Variants in PLPPR5 observed in about 807,000 individuals in gnomAD.
PLPPR5 encodes the protein phospholipid phosphatase-related protein type 5.
A neutral mutation model predicts 33.9 loss-of-function variants in PLPPR5; 16 were observed. The observed-to-expected ratio is 0.47, with a 90% CI of 0.32 to 0.72. PLPPR5 has a LOEUF of 0.72. Among genes scored for constraint, PLPPR5 ranks in the 30% least tolerant of loss-of-function variants. PLPPR5 has a pLI of 0.03. For synonymous variants in PLPPR5, 163 were observed against 150.3 expected, an observed-to-expected ratio of 1.08 and a Z score of -0.62; for missense variants, 301 against 406.7, an observed-to-expected ratio of 0.74 and a Z score of 2.23.
chr1:98,924,589 C>T (rs192861776), intron 3 of PLPPR5, among the ~76,000 whole-genome samples: 50 of 152,254 alleles, frequency 3.3e-4, no homozygotes, highest in Admixed American at 5.9e-4. Flanking sequence ...AGAATCTATA[C>T]GGCTTCAGAA....
At chr1:98,916,727 C>A (rs1055994094) in intron 4 of PLPPR5, among the ~76,000 whole-genome samples, 2 of 152,136 alleles carry the variant, frequency 1.3e-5, no homozygotes, top group South Asian at 2.1e-4. Flanking sequence ...TTTTGGCCAA[C>A]AATAACAACG....
intron 3 of PLPPR5, among the ~76,000 whole-genome samples, chr1:98,947,936 C>T (rs567196753): frequency 5.9e-5 from 9 of 152,326 alleles, no homozygotes; most frequent in South Asian, 2.1e-4. Flanking sequence ...GGACCTTATA[C>T]GTTTCAGCAT....
At chr1:98,896,298 G>A (rs1188503807) in intron 5 of PLPPR5, among the ~76,000 whole-genome samples, 1 of 152,060 alleles carries the variant, frequency 6.6e-6, no homozygotes, top group East Asian at 1.9e-4. Context: ...TCAGATTGCT[G>A]TCTTGAGAAA....
chr1:98,995,951 A>C (rs778489661), intron 1 of PLPPR5, among the ~76,000 whole-genome samples: 2 of 152,084 alleles, frequency 1.3e-5, no homozygotes, highest in Non-Finnish European at 2.9e-5. Context: ...GAATCAGATA[A>C]CACCACATGA....
chr1:98,947,656 T>C (rs953087758), intron 3 of PLPPR5, among the ~76,000 whole-genome samples: 1 of 151,890 alleles, frequency 6.6e-6, no homozygotes, highest in Non-Finnish European at 1.5e-5. Flanking sequence ...GGAGACAGGG[T>C]TAATAATGAA....
chr1:98,987,000 G>A lies in PLPPR5; in HGVS notation c.237+17435C>T, dbSNP rs1225601479. Among the ~76,000 whole-genome samples the A allele has an allele frequency of 2.0e-5, 3 of 151,652 alleles. No individual in the cohort carries two copies. The South Asian group carries it at 6.2e-4, about 31-fold the overall frequency. On this transcript the variant is annotated intron_variant, in intron 1 of 5. Transcript: ENST00000263177. ...TTCTTCTCCATACTGAAAGAGCTAA[G>A]GTTTTCCGACATCTATATAACTTCC...
At chr1:98,999,729 G>A (rs543590918) in intron 1 of PLPPR5, among the ~76,000 whole-genome samples, 1 of 152,326 alleles carries the variant, frequency 6.6e-6, no homozygotes, top group African/African-American at 2.4e-5. Context: ...CTAGGTATGA[G>A]ATGACTTTCT....
At chr1:98,904,427 C>T (rs1648820753) in intron 5 of PLPPR5, among the ~76,000 whole-genome samples, 2 of 151,870 alleles carry the variant, frequency 1.3e-5, no homozygotes, top group Non-Finnish European at 2.9e-5. Flanking sequence ...GCTGTACCTG[C>T]CTTAATAAAA....
chr1:98,893,080 C>G lies in PLPPR5; in HGVS notation c.958G>C (p.Val320Leu), dbSNP rs781109402. The G allele has an allele frequency of 6.2e-7, 1 of 1,611,164 alleles. No homozygotes were observed. Among genetic ancestry groups the G allele is most frequent in the South Asian group, 1.1e-5 (1 of 90,862 alleles). The change falls in exon 6 of 6, where the codon GTC (valine) becomes CTC (leucine). Residue 320 changes from valine to leucine, a missense_variant. By Grantham distance (32) the Val-to-Leu change is conservative (BLOSUM62 1). Transcript: ENST00000263177. ...VQNHITAFAE[V>L]T ...AACCATCTGCTTCGATATCATGTGA[C>G]TTCTGCGAAGGCAGTGATGTGGTTC...
chr1:98,999,664 TG>T (rs1652754727), intron 1 of PLPPR5, among the ~76,000 whole-genome samples: 1 of 152,066 alleles, frequency 6.6e-6, no homozygotes, highest in Admixed American at 6.6e-5. Context: ...AGGCAGGGTT[TG>T]GGGGAAAAGA....
intron 1 of PLPPR5, among the ~76,000 whole-genome samples, chr1:99,002,131 G>A (rs796952988): frequency 6.6e-6 from 1 of 151,990 alleles, no homozygotes; most frequent in Non-Finnish European, 1.5e-5. Context: ...TGCCCTTACT[G>A]CTCCCAGCTC....
intron 1 of PLPPR5, among the ~76,000 whole-genome samples, chr1:98,975,983 A>C (rs866844462): frequency 6.6e-6 from 1 of 151,546 alleles, no homozygotes; most frequent in Non-Finnish European, 1.5e-5. Flanking sequence ...TAATGAATAC[A>C]TATGTTAAAT....
At chr1:98,976,271 G>A (rs1157358416) in intron 1 of PLPPR5, among the ~76,000 whole-genome samples, 1 of 151,862 alleles carries the variant, frequency 6.6e-6, no homozygotes, top group Non-Finnish European at 1.5e-5. Context: ...TCTGTAATAT[G>A]TCTTGATTCA....
At chr1:98,904,686 A>G (rs1648831586) in intron 5 of PLPPR5, among the ~76,000 whole-genome samples, 1 of 152,112 alleles carries the variant, frequency 6.6e-6, no homozygotes, top group South Asian at 2.1e-4. Flanking sequence ...GGAGAGAGAG[A>G]AGGACGACAG....
intron 3 of PLPPR5, among the ~76,000 whole-genome samples, chr1:98,946,178 C>T (rs182538831): frequency 1.3e-5 from 2 of 152,132 alleles, no homozygotes; most frequent in East Asian, 3.9e-4. Context: ...TAAAAGCTTT[C>T]CCTCGCCTTT....
At chr1:98,942,069 AGG>A (rs1167467285) in intron 3 of PLPPR5, among the ~76,000 whole-genome samples, 2 of 82,194 alleles carry the variant, frequency 2.4e-5, no homozygotes, top group African/African-American at 4.5e-5. Context: ...AGAGAGAGAG[AGG>A]AAGAAAGAGA....
chr1:98,904,135 T>C (rs1648805420), intron 5 of PLPPR5, among the ~76,000 whole-genome samples: 4 of 152,174 alleles, frequency 2.6e-5, no homozygotes. Context: ...TTCACTCAGC[T>C]GATGTTTCTG....
chr1:98,965,290 T>C (rs932484275), intron 1 of PLPPR5, among the ~76,000 whole-genome samples: 20 of 152,250 alleles, frequency 1.3e-4, no homozygotes, highest in African/African-American at 4.1e-4. Flanking sequence ...AACTTGAGTA[T>C]CACATTCCTT....
chr1:98,926,769 T>G (rs1438143908), intron 3 of PLPPR5, among the ~76,000 whole-genome samples: 1 of 152,224 alleles, frequency 6.6e-6, no homozygotes, highest in Non-Finnish European at 1.5e-5. Flanking sequence ...CAAGACAGCA[T>G]CAAGGACAGA....
Sources: gnomAD v4.1 joint callset for allele counts (sites outside exome capture counted in the v4.1 genomes callset) on GRCh38, gnomAD v4.1.1 for gene constraint, MANE v1.5 for transcripts, NCBI Gene and HGNC (gene_info 2026-07-23, HGNC 2026-07-21) for gene names.